The following MYRFL variants were observed in gnomAD, a reference collection of about 807,000 sequenced individuals.
MYRFL encodes myelin regulatory factor-like protein.
Under a neutral mutation model 109.4 loss-of-function variants are expected in MYRFL, and 88 were observed. That is an observed-to-expected ratio of 0.80 (90% CI 0.68 to 0.96). The LOEUF (loss-of-function observed/expected upper bound fraction) is 0.96. Among genes scored for constraint, MYRFL ranks in the 40% least tolerant of loss-of-function variants. MYRFL has a pLI of 0.00. For synonymous variants in MYRFL, 324 were observed against 320.9 expected (o/e 1.01, Z -0.10); for missense variants, 957 against 954.9 (o/e 1.00, Z -0.03).
chr12:69,878,947 C>G, intron 2 of MYRFL, 81 bp from the exon 3 acceptor site: 1 of 701,390 alleles, frequency 1.4e-6, no homozygotes. Context: ...GGGCTGTACA[C>G]TGAGGGTTGT....
chr12:69,953,164 C>T (rs1956021394), intron 21 of MYRFL, among the ~76,000 whole-genome samples: 1 of 152,164 alleles, frequency 6.6e-6, no homozygotes, highest in Admixed American at 6.5e-5. Flanking sequence ...GTTGCTGACT[C>T]TCTGAGGGCA....
intron 2 of MYRFL, among the ~76,000 whole-genome samples, chr12:69,876,651 A>G (rs1885681287): frequency 6.6e-6 from 1 of 152,198 alleles, no homozygotes; most frequent in African/African-American, 2.4e-5. Context: ...ATTTCTTGGT[A>G]GAGTGATGAA....
At chr12:69,891,243 T>A in intron 7 of MYRFL, 77 bp downstream of exon 7, 1 of 1,082,262 alleles carries the variant, frequency 9.2e-7, no homozygotes, top group Non-Finnish European at 1.2e-6. Context: ...CATGACAAAC[T>A]ATCCCAAAAT....
rs1306344556 is a variant in MYRFL, at chr12:69,844,214, TC to T, written c.47-11064del. Reference sequence around the variant, plus strand: ...AGCCAGTTACTGCAGGGATCATCTCTCCTTATTCATTAAGGCGTTTGGGCAA... The same window carrying T: ...AGCCAGTTACTGCAGGGATCATCTCTCTTATTCATTAAGGCGTTTGGGCAA... On this transcript the variant is annotated intron_variant, in intron 1 of 24. Coordinates refer to ENST00000552032, the MANE Select transcript of MYRFL (RefSeq NM_182530.3). Among the ~76,000 whole-genome samples, 4 of 152,282 alleles carry T rather than the reference TC, an allele frequency of 2.6e-5. No individual in the cohort carries two copies. The East Asian group carries it at 7.7e-4, about 29-fold the overall frequency.
intron 7 of MYRFL, 79 bp downstream of exon 7, chr12:69,891,245 T>A (rs1886781194): frequency 9.3e-7 from 1 of 1,075,604 alleles, no homozygotes; most frequent in African/African-American, 1.6e-5. Flanking sequence ...TGACAAACTA[T>A]CCCAAAATGA....
chr12:69,952,938 C>G (rs1370638121), intron 21 of MYRFL, 52 bp downstream of exon 21: 20 of 1,324,916 alleles, frequency 1.5e-5, no homozygotes, highest in Non-Finnish European at 1.5e-5. Context: ...TTACCCATGG[C>G]TCTGGGTTTT....
chr12:69,875,614 G>A (rs946739395), intron 2 of MYRFL, among the ~76,000 whole-genome samples: 1 of 152,172 alleles, frequency 6.6e-6, no homozygotes, highest in African/African-American at 2.4e-5. Flanking sequence ...GAGCATTCCC[G>A]CCTGGGCTCT....
intron 19 of MYRFL, among the ~76,000 whole-genome samples, chr12:69,945,268 T>TCAC (rs1344253518): frequency 7.2e-5 from 11 of 152,164 alleles, no homozygotes; most frequent in African/African-American, 2.4e-4. Flanking sequence ...TCAGATTCAC[T>TCAC]CACCGCTCAC....
intron 1 of MYRFL, among the ~76,000 whole-genome samples, chr12:69,844,839 A>G (rs1355948706): frequency 6.6e-6 from 1 of 152,206 alleles, no homozygotes; most frequent in Non-Finnish European, 1.5e-5. Flanking sequence ...GGGTAACTGC[A>G]GAAGTATTTA....
chr12:69,879,601 A>C (rs1206360822), intron 4 of MYRFL, 148 bp downstream of exon 4: 1 of 579,282 alleles, frequency 1.7e-6, no homozygotes, highest in Non-Finnish European at 3.1e-6. Context: ...GCGAGGTCCC[A>C]GTGTTCTTGG....
intron 13 of MYRFL, among the ~76,000 whole-genome samples, chr12:69,911,429 CGG>C (rs1022460619): frequency 6.6e-6 from 1 of 152,056 alleles, no homozygotes; most frequent in African/African-American, 2.4e-5. Context: ...TTTGATGAAA[CGG>C]TGTTTGACTT....
intron 1 of MYRFL, among the ~76,000 whole-genome samples, chr12:69,833,983 G>C (rs1477824503): frequency 1.3e-5 from 2 of 152,092 alleles, no homozygotes; most frequent in East Asian, 3.8e-4. Context: ...AATGGTTTAT[G>C]TTCATTGAGC....
rs1159383907 is a variant in MYRFL at position 69,829,671 on chromosome 12, G to A, written c.46+4108G>A. 3.3e-5 allele frequency among the ~76,000 whole-genome samples: 5 copies of A among 152,282 alleles called. No individual in the cohort carries two copies. In the East Asian group the frequency reaches 7.7e-4, roughly 24 times the overall value. On this transcript the variant is annotated intron_variant, in intron 1 of 24. Coordinates refer to ENST00000552032, the MANE Select transcript of MYRFL (RefSeq NM_182530.3). ...CAGCAAGTTCAACTGTATGAAGAGG[G>A]AAAACTTGCCCAGTAGCAGAATGGT...
At position 69,910,855 on chromosome 12, in the gene MYRFL, C is replaced by A; in HGVS notation, c.1527C>A (p.Pro509=). The A allele has an allele frequency of 6.5e-7, 1 of 1,535,220 alleles. No homozygotes were observed. The highest frequency in any genetic ancestry group is 1.7e-4 in the Middle Eastern group (1 of 5,982). ...CCCAGGAGGTGCAAGAAATCCTGCC[C>A]AGAGCAGTAAGAGAGGTTGGTGATG... ...MIAQEVQEIL[P]RAVREVGDVT... Residue 509 remains proline, a synonymous_variant, in exon 13 of 25, where the codon CCC becomes CCA. Coordinates refer to ENST00000552032, the MANE Select transcript of MYRFL (RefSeq NM_182530.3).
Position 69,958,463 on chromosome 12 carries a change from A to T in MYRFL, c.2665A>T (p.Thr889Ser), listed in dbSNP as rs1047682687. Residue 889 changes from threonine to serine, a missense_variant, in exon 25 of 25, where the codon ACT becomes TCT. Transcript: ENST00000552032. ...CTGACAGGATTTAGCTGACTGTTCA[A>T]CTGATCCTTATTTTGCTGGGATATT... is the stretch of plus-strand genomic sequence containing the variant. The part of the protein sequence containing the change: ...VAAPDLADCS[T>S]DPYFAGIFFT... 26 of 1,534,690 alleles carry T rather than the reference A, an allele frequency of 1.7e-5. No homozygotes were observed. The highest frequency in any genetic ancestry group is 1.7e-4 in the Middle Eastern group (1 of 6,010).
At chr12:69,869,752 T>C (rs1885229608) in intron 2 of MYRFL, among the ~76,000 whole-genome samples, 1 of 152,162 alleles carries the variant, frequency 6.6e-6, no homozygotes, top group African/African-American at 2.4e-5. Context: ...CACCTAGATA[T>C]TCACATGAAG....
intron 22 of MYRFL, among the ~76,000 whole-genome samples, chr12:69,955,926 T>C (rs979195740): frequency 6.6e-6 from 1 of 152,072 alleles, no homozygotes; most frequent in South Asian, 2.1e-4. Flanking sequence ...AATTCTGTGA[T>C]CTTGGACAAG....
intron 10 of MYRFL, among the ~76,000 whole-genome samples, chr12:69,899,375 C>T (rs763117059): frequency 3.3e-5 from 5 of 152,050 alleles, no homozygotes; most frequent in Non-Finnish European, 7.4e-5. Context: ...ACATTTTTTG[C>T]CACCTGAGAT....
intron 1 of MYRFL, among the ~76,000 whole-genome samples, chr12:69,849,991 C>T (rs1157216505): frequency 6.6e-6 from 1 of 152,100 alleles, no homozygotes; most frequent in Non-Finnish European, 1.5e-5. Context: ...ATAATTCCCA[C>T]GTGTTGTGGG....
Sources: allele counts gnomAD v4.1 joint callset (sites outside exome capture counted in the v4.1 genomes callset), GRCh38; gene constraint gnomAD v4.1.1; transcripts MANE v1.5; gene names NCBI Gene and HGNC (gene_info 2026-07-23, HGNC 2026-07-21).